PPP2R5E: variants seen among roughly 807,000 people sequenced by gnomAD.
PPP2R5E encodes the protein serine/threonine-protein phosphatase 2A 56 kDa regulatory subunit epsilon isoform.
A neutral mutation model predicts 65.3 loss-of-function variants in PPP2R5E; 4 were observed. The ratio of observed to expected loss-of-function variants is 0.06; its 90% CI spans 0.03 to 0.14. The LOEUF (loss-of-function observed/expected upper bound fraction) is 0.14. Among genes scored for constraint, PPP2R5E ranks in the 10% least tolerant of loss-of-function variants. PPP2R5E has a pLI of 1.00. For synonymous variants in PPP2R5E, 183 were observed against 187.4 expected (o/e 0.98, Z 0.19); for missense variants, 274 against 556.1 (o/e 0.49, Z 5.10).
chr14:63,540,450 G>C (rs917236075), intron 1 of PPP2R5E, among the ~76,000 whole-genome samples: 1 of 113,006 alleles, frequency 8.8e-6, no homozygotes, highest in Non-Finnish European at 1.8e-5. Flanking sequence ...AAAAAAAAAA[G>C]CCAGGCACAG....
chr14:63,490,956 A>G (rs59315727), intron 2 of PPP2R5E, among the ~76,000 whole-genome samples: 9,411 of 152,124 alleles, frequency 0.062, 909 homozygotes, highest in African/African-American at 0.21. Context: ...TCATAGCACT[A>G]TTCACAATAG....
intron 2 of PPP2R5E, among the ~76,000 whole-genome samples, chr14:63,463,835 A>T (rs1474705610): frequency 6.6e-6 from 1 of 151,820 alleles, no homozygotes; most frequent in African/African-American, 2.4e-5. Context: ...TGACCTCGTG[A>T]TCCGCCTGCC....
chr14:63,454,563 T>TA (rs1390172188), intron 2 of PPP2R5E, among the ~76,000 whole-genome samples: 1 of 152,204 alleles, frequency 6.6e-6, no homozygotes, highest in African/African-American at 2.4e-5. Flanking sequence ...CATCTTATAT[T>TA]AATATGTTCC....
Position 63,415,029 on chromosome 14 carries a change from T to A in PPP2R5E, c.549+111A>T, listed in dbSNP as rs55698831. On this transcript the variant is annotated intron_variant, in intron 5 of 13. Transcript: ENST00000337537. ...CTTATGTTTATATATATATATATAT[T>A]TTGTGGGTGATATAACTGTCATTGC... 4.7e-3 allele frequency: 2,745 copies of A among 583,178 alleles called. 58 individuals are homozygous for A. The African/African-American group carries it at 0.05, about 11-fold the overall frequency. 36.1% of individuals were successfully genotyped at this position (583,178 alleles called of 1,614,324 possible). A position where few individuals can be genotyped will look rare whatever the true frequency, so the allele number is the denominator to read the frequency against.
At chr14:63,416,000 C>T (rs1049751761) in intron 4 of PPP2R5E, among the ~76,000 whole-genome samples, 2 of 152,164 alleles carry the variant, frequency 1.3e-5, no homozygotes, top group Admixed American at 6.5e-5. Flanking sequence ...TTCTACTCAT[C>T]GGATCATAAG....
intron 5 of PPP2R5E, among the ~76,000 whole-genome samples, chr14:63,414,080 G>T (rs1388473337): frequency 6.6e-6 from 1 of 152,154 alleles, no homozygotes; most frequent in Non-Finnish European, 1.5e-5. Flanking sequence ...CTCTCTGGAA[G>T]CTTGCCTGAC....
At chr14:63,476,823 A>G (rs1890435804) in intron 2 of PPP2R5E, among the ~76,000 whole-genome samples, 1 of 152,072 alleles carries the variant, frequency 6.6e-6, no homozygotes, top group Admixed American at 6.5e-5. Context: ...ATAGGATCAC[A>G]TATTTAACAC....
chr14:63,387,000 G>C (rs1884712122), intron 11 of PPP2R5E, among the ~76,000 whole-genome samples: 1 of 152,100 alleles, frequency 6.6e-6, no homozygotes, highest in South Asian at 2.1e-4. Flanking sequence ...TGAAGGAAAG[G>C]GCATTCCAGG....
At chr14:63,399,106 GAAAC>G (rs1361032428) in intron 5 of PPP2R5E, among the ~76,000 whole-genome samples, 1 of 152,052 alleles carries the variant, frequency 6.6e-6, no homozygotes, top group African/African-American at 2.4e-5. Context: ...GCTAAAAACT[GAAAC>G]AACCCAAATA....
At chr14:63,539,824 G>T in intron 1 of PPP2R5E, 132 bp from the exon 2 acceptor site, 2 of 996,216 alleles carry the variant, frequency 2.0e-6, no homozygotes, top group Non-Finnish European at 2.8e-6. Context: ...AATAAAATCA[G>T]TTAAGAAAAG....
At chr14:63,435,731 C>T (rs1009335577) in intron 3 of PPP2R5E, among the ~76,000 whole-genome samples, 6 of 152,174 alleles carry the variant, frequency 3.9e-5, no homozygotes, top group Non-Finnish European at 7.4e-5. Flanking sequence ...CGCTTCCATT[C>T]GGCTCCTATT....
At chr14:63,417,311 A>G (rs1252047758) in intron 4 of PPP2R5E, among the ~76,000 whole-genome samples, 1 of 152,216 alleles carries the variant, frequency 6.6e-6, no homozygotes, top group Non-Finnish European at 1.5e-5. Flanking sequence ...GACAGATACA[A>G]GTTTTCTAAA....
chr14:63,501,404 CAAAAAAA>C (rs140023470), intron 2 of PPP2R5E, among the ~76,000 whole-genome samples: 1 of 87,112 alleles, frequency 1.1e-5, no homozygotes, highest in Non-Finnish European at 2.6e-5. Context: ...GACTCCGTCT[CAAAAAAA>C]AAAAAAAAAG....
chr14:63,493,154 GT>G (rs1350666695), intron 2 of PPP2R5E, among the ~76,000 whole-genome samples: 1 of 151,906 alleles, frequency 6.6e-6, no homozygotes, highest in Non-Finnish European at 1.5e-5. Context: ...TAACTCCTTT[GT>G]GTAAAGCACT....
At chr14:63,382,778 T>C (rs1222832186) in intron 12 of PPP2R5E, among the ~76,000 whole-genome samples, 2 of 152,184 alleles carry the variant, frequency 1.3e-5, no homozygotes, top group African/African-American at 4.8e-5. Flanking sequence ...AAGGCAAGTA[T>C]AATAGTAAAG....
intron 2 of PPP2R5E, among the ~76,000 whole-genome samples, chr14:63,535,212 G>C (rs1003246919): frequency 6.6e-6 from 1 of 151,972 alleles, no homozygotes; most frequent in African/African-American, 2.4e-5. Flanking sequence ...ATCACCTGAG[G>C]TCAGGAGTTT....
chr14:63,409,147 T>C (rs1298690280), intron 5 of PPP2R5E, among the ~76,000 whole-genome samples: 2 of 152,094 alleles, frequency 1.3e-5, no homozygotes, highest in Non-Finnish European at 2.9e-5. Context: ...GCAGGAGAAT[T>C]GCTTGAACCC....
chr14:63,499,598 G>A (rs1422142418), intron 2 of PPP2R5E, among the ~76,000 whole-genome samples: 1 of 152,198 alleles, frequency 6.6e-6, no homozygotes, highest in South Asian at 2.1e-4. Context: ...GTGGCACTGC[G>A]TGCCTGTAAT....
intron 13 of PPP2R5E, among the ~76,000 whole-genome samples, chr14:63,379,818 T>TTCTCTC (rs770094217): frequency 1.4e-4 from 16 of 117,042 alleles, no homozygotes; most frequent in African/African-American, 8.3e-4. Flanking sequence ...TTCTTCAATA[T>TTCTCTC]TCTCTCTCTT....
Sources: gnomAD v4.1 joint callset for allele counts (sites outside exome capture counted in the v4.1 genomes callset) on GRCh38, gnomAD v4.1.1 for gene constraint, MANE v1.5 for transcripts, NCBI Gene and HGNC (gene_info 2026-07-23, HGNC 2026-07-21) for gene names.